LCOR: variants seen among roughly 807,000 people sequenced by gnomAD.
LCOR encodes ligand-dependent corepressor.
In LCOR, 14 loss-of-function variants were observed where a neutral mutation model predicts 64.4. The observed-to-expected ratio is 0.22, with a 90% CI of 0.14 to 0.34. The LOEUF (loss-of-function observed/expected upper bound fraction) is 0.34, where lower values mean the gene tolerates loss of function less well. LCOR is among the 10% of genes least tolerant of loss of function. The probability of loss-of-function intolerance (pLI) is 1.00; values close to 1 mark genes in which losing one functional copy is unlikely to be tolerated. For synonymous variants in LCOR, 643 were observed against 642.5 expected (o/e 1.00, Z -0.01); for missense variants, 1,686 against 1,765.3 (o/e 0.96, Z 0.80).
chr10:96,927,510 T>G (rs988745461), intron 4 of LCOR, among the ~76,000 whole-genome samples: 1 of 152,178 alleles, frequency 6.6e-6, no homozygotes, highest in African/African-American at 2.4e-5. Flanking sequence ...AATTTATGTT[T>G]TTTAATGTCC....
rs992271432 is a variant in LCOR, at chr10:96,988,109, G to A, written c.*2975G>A. 3.3e-5 allele frequency: 5 copies of A among 152,260 alleles called. No homozygotes were observed. Among genetic ancestry groups the A allele is most frequent in the African/African-American group, 9.7e-5 (4 of 41,448 alleles). 9.4% of individuals were successfully genotyped at this position (152,260 alleles called of 1,614,324 possible). A position where few individuals can be genotyped will look rare whatever the true frequency, so the allele number is the denominator to read the frequency against. ...CTGAAGCTCTGCCATAGCTCCCGTA[G>A]AGGAGGGCCCTCTTCAGGACACCCA... On this transcript the variant is annotated 3_prime_UTR_variant, in exon 8 of 8. Coordinates refer to ENST00000421806, the MANE Select transcript of LCOR (RefSeq NM_001346516.2).
At chr10:96,956,701 A>T in intron 7 of LCOR, 3 of 985,910 alleles carry the variant, frequency 3.0e-6, no homozygotes, top group Non-Finnish European at 3.6e-6. Context: ...CTCACCAACA[A>T]GTGAGGATAT....
chr10:96,879,897 A>G (rs1846233081), intron 2 of LCOR, among the ~76,000 whole-genome samples: 1 of 152,190 alleles, frequency 6.6e-6, no homozygotes. Context: ...TCCTAGCCTC[A>G]AGTAATCTGC....
intron 2 of LCOR, among the ~76,000 whole-genome samples, chr10:96,871,583 T>G: frequency 6.6e-6 from 1 of 151,402 alleles, no homozygotes; most frequent in Non-Finnish European, 1.5e-5. Context: ...TGGCTAATTT[T>G]TTTTTTTTTT....
intron 7 of LCOR, among the ~76,000 whole-genome samples, chr10:96,969,758 TC>T (rs1358770889): frequency 2.0e-5 from 3 of 147,260 alleles, no homozygotes; most frequent in African/African-American, 8.0e-5. Flanking sequence ...TCAACAATTT[TC>T]TTTCTTTTTT....
intron 4 of LCOR, among the ~76,000 whole-genome samples, chr10:96,932,932 TA>T (rs1564630014): frequency 1.3e-5 from 2 of 152,208 alleles, no homozygotes; most frequent in Non-Finnish European, 2.9e-5. Context: ...GTTTCTCTTA[TA>T]GTAATCTATC....
chr10:96,868,418 G>T (rs909023337), intron 2 of LCOR, among the ~76,000 whole-genome samples: 3 of 151,746 alleles, frequency 2.0e-5, no homozygotes, highest in Non-Finnish European at 4.4e-5. Context: ...GGGATTACAG[G>T]CGCATGCCAC....
chr10:96,957,628 T>C (rs1039136611), intron 7 of LCOR: 1 of 985,286 alleles, frequency 1.0e-6, no homozygotes, highest in Non-Finnish European at 1.2e-6. Flanking sequence ...TTCAGATGGA[T>C]ACTAACAGTT....
In LCOR at chr10:96,994,467, T is replaced by A. The variant is rs1287630839; in HGVS notation, c.*9333T>A. 6.6e-6 allele frequency: 1 copy of A among 152,252 alleles called. No homozygotes were observed. Among genetic ancestry groups the A allele is most frequent in the Admixed American group, 6.5e-5 (1 of 15,292 alleles). 9.4% of individuals were successfully genotyped at this position (152,252 alleles called of 1,614,324 possible). A position where few individuals can be genotyped will look rare whatever the true frequency, so the allele number is the denominator to read the frequency against. On this transcript the variant is annotated 3_prime_UTR_variant, in exon 8 of 8. Transcript: ENST00000421806. ...TAAATACCCCACACCCAGATAACCA[T>A]TAATAGAAGTAATGTAGTTTTTTAG... is the stretch of plus-strand genomic sequence containing the variant.
chr10:96,855,336 C>A (rs1257437357), intron 2 of LCOR, among the ~76,000 whole-genome samples: 1 of 147,298 alleles, frequency 6.8e-6, no homozygotes, highest in East Asian at 1.9e-4. Flanking sequence ...CTTACTCGAG[C>A]CGATAATTAC....
chr10:96,931,825 A>G (rs543601166), intron 4 of LCOR, among the ~76,000 whole-genome samples: 1 of 152,356 alleles, frequency 6.6e-6, no homozygotes, highest in Admixed American at 6.5e-5. Flanking sequence ...AAGTAAGATA[A>G]TAAGTACGTG....
intron 4 of LCOR, among the ~76,000 whole-genome samples, chr10:96,923,228 C>T (rs1289184112): frequency 6.6e-6 from 1 of 152,190 alleles, no homozygotes; most frequent in African/African-American, 2.4e-5. Context: ...GCAGATATGG[C>T]TGTAGCTGTA....
At chr10:96,892,516 T>A (rs537910046) in intron 2 of LCOR, among the ~76,000 whole-genome samples, 39 of 152,320 alleles carry the variant, frequency 2.6e-4, no homozygotes, top group African/African-American at 9.1e-4. Context: ...ACTGTCTTTT[T>A]GCTATGTTCT....
intron 2 of LCOR, among the ~76,000 whole-genome samples, chr10:96,891,113 T>C (rs985456576): frequency 1.3e-5 from 2 of 152,202 alleles, no homozygotes; most frequent in Non-Finnish European, 2.9e-5. Context: ...ATTGGTGTTC[T>C]TCTTTAAATG....
chr10:96,945,578 C>T (rs1368555609), intron 5 of LCOR, among the ~76,000 whole-genome samples: 1 of 152,068 alleles, frequency 6.6e-6, no homozygotes, highest in African/African-American at 2.4e-5. Flanking sequence ...TAATCATTTT[C>T]TTAGTTTTAT....
chr10:96,916,589 A>G (rs533399157), intron 4 of LCOR, among the ~76,000 whole-genome samples: 2 of 145,564 alleles, frequency 1.4e-5, no homozygotes, highest in Admixed American at 6.9e-5. Flanking sequence ...TTTAAAGGCT[A>G]TATATATATA....
At chr10:96,957,234 A>G (rs1847798979) in intron 7 of LCOR, 1 of 984,958 alleles carries the variant, frequency 1.0e-6, no homozygotes, top group African/African-American at 1.7e-5. Flanking sequence ...ATCCTACATA[A>G]TACCCCCCTT....
intron 2 of LCOR, among the ~76,000 whole-genome samples, chr10:96,873,083 G>A (rs1450291260): frequency 6.6e-6 from 1 of 152,094 alleles, no homozygotes; most frequent in East Asian, 1.9e-4. Flanking sequence ...AGGGATGGAT[G>A]GTTGGAAGGA....
intron 2 of LCOR, among the ~76,000 whole-genome samples, chr10:96,859,674 C>A (rs1423795319): frequency 6.6e-6 from 1 of 152,110 alleles, no homozygotes; most frequent in East Asian, 1.9e-4. Flanking sequence ...TCTCGTGCCT[C>A]AGCCTCTTGA....
Sources: gnomAD v4.1 joint callset for allele counts (sites outside exome capture counted in the v4.1 genomes callset) on GRCh38, gnomAD v4.1.1 for gene constraint, MANE v1.5 for transcripts, NCBI Gene and HGNC (gene_info 2026-07-23, HGNC 2026-07-21) for gene names.